ORM1: variants seen among roughly 807,000 people sequenced by gnomAD.
ORM1 encodes the protein orosomucoid 1.
A neutral mutation model predicts 26.9 loss-of-function variants in ORM1; 13 were observed. The observed-to-expected ratio is 0.48, with a 90% CI of 0.31 to 0.77. The LOEUF (loss-of-function observed/expected upper bound fraction) is 0.77, where lower values mean the gene tolerates loss of function less well. ORM1 is among the 30% of genes least tolerant of loss of function. ORM1 has a pLI of 0.04. For missense variants in ORM1, 189 were observed against 246.8 expected, an observed-to-expected ratio of 0.77 and a Z score of 1.57; for synonymous variants, 76 against 102.2, an observed-to-expected ratio of 0.74 and a Z score of 1.55.
At position 114,324,838 on chromosome 9, in the gene ORM1, A is replaced by G. The variant is rs769618531; in HGVS notation, c.377A>G (p.Lys126Arg). Residue 126 changes from lysine (K) to arginine (R), a missense_variant, in exon 4 of 6, where the codon AAG (lysine) becomes AGG (arginine). Physicochemically the swap from Lys to Arg is conservative, Grantham distance 26. This residue lies in a region of ORM1 where 163 missense variants were observed against 157.7 expected (regional missense o/e 1.03). Coordinates refer to ENST00000259396, the MANE Select transcript of ORM1 (RefSeq NM_000607.4). The stretch of plus-strand genomic sequence containing the variant: ...CACTTGCTGATCCTCAGGGACACCA[A>G]GACCTACATGCTTGCTTTTGACGTG... ...FAHLLILRDT[K>R]TYMLAFDVND... 5 of 1,614,072 alleles carry G rather than the reference A, an allele frequency of 3.1e-6. No homozygotes were observed. Among genetic ancestry groups the G allele is most frequent in the Non-Finnish European group, 4.2e-6 (5 of 1,180,022 alleles).
intron 3 of ORM1, among the ~76,000 whole-genome samples, chr9:114,324,514 C>T (rs1463527591): frequency 1.3e-5 from 2 of 152,156 alleles, no homozygotes; most frequent in Non-Finnish European, 2.9e-5. Flanking sequence ...TTTAGCATCC[C>T]GAGCCTCCTC....
rs1126746 is a variant in ORM1, at chr9:114,324,891, G to T, written c.430G>T (p.Val144Phe). The change falls in exon 4 of 6, where the codon GTC becomes TTC. Residue 144 changes from valine to phenylalanine, a missense_variant. Around this residue, in one of 3 missense-constraint regions of ORM1, gnomAD observed 163 missense variants for 157.7 expected, o/e 1.03. Coordinates refer to ENST00000259396, the MANE Select transcript of ORM1 (RefSeq NM_000607.4). ...CGATGAGAAGAACTGGGGGCTGTCT[G>T]TCTATGGTAGGCATGCTTAGCAGCC... is the stretch of plus-strand genomic sequence containing the variant. ...VNDEKNWGLS[V>F]YADKPETTKE... The T allele has an allele frequency of 7.0e-4, 1,130 of 1,613,390 alleles. 1 individual carries two copies. Among genetic ancestry groups the T allele is most frequent in the East Asian group, 1.7e-3 (78 of 44,864 alleles).
At chr9:114,325,328 G>T (rs1829753342) in intron 5 of ORM1, 176 bp downstream of exon 5, 2 of 581,198 alleles carry the variant, frequency 3.4e-6, no homozygotes, top group Non-Finnish European at 6.0e-6. Flanking sequence ...AGGGGTGGTG[G>T]ATGAGAGCCC....
rs369031896 is a variant in ORM1, at chr9:114,324,061, C to T, written c.301C>T (p.Arg101Trp). 102 of 1,613,982 alleles carry T rather than the reference C, an allele frequency of 6.3e-5. 1 individual carries two copies. The Admixed American group carries it at 9.0e-4, about 14-fold the overall frequency. Residue 101 changes from arginine (R) to tryptophan (W), a missense_variant, in exon 3 of 6, where the codon CGG (arginine) becomes TGG (tryptophan). By Grantham distance (101) the Arg-to-Trp change is moderately radical. Coordinates refer to ENST00000259396, the MANE Select transcript of ORM1 (RefSeq NM_000607.4). ...IYNTTYLNVQ[R>W]ENGTISRYVG... is the part of the protein sequence containing the mutation. ...TAACACCACCTACCTGAATGTCCAG[C>T]GGGAAAATGGGACCATCTCCAGATA...
intron 5 of ORM1, among the ~76,000 whole-genome samples, chr9:114,325,592 G>A (rs1486909461): frequency 1.8e-4 from 28 of 152,150 alleles, no homozygotes; most frequent in African/African-American, 6.5e-4. Context: ...TCACCATCCC[G>A]ATTTTTGCTA....
intron 4 of ORM1, 74 bp from the exon 5 acceptor site, chr9:114,324,975 T>C: frequency 1.3e-6 from 2 of 1,583,052 alleles, no homozygotes; most frequent in Non-Finnish European, 1.7e-6. Context: ...GGCTGGCCCC[T>C]AGAACCCCAG....
At chr9:114,324,261 A>C (rs1346749412) in intron 3 of ORM1, among the ~76,000 whole-genome samples, 173 bp downstream of exon 3, 1 of 152,184 alleles carries the variant, frequency 6.6e-6, no homozygotes, top group Non-Finnish European at 1.5e-5. Context: ...TGAGAGAATT[A>C]GAGGAGGAAA....
Position 114,324,049 on chromosome 9 carries a change from C to T in ORM1, c.289C>T (p.Leu97=), listed in dbSNP as rs1803076. ...CCAGTGCATCTATAACACCACCTAC[C>T]TGAATGTCCAGCGGGAAAATGGGAC... ...QDQCIYNTTY[L]NVQRENGTIS... The change falls in exon 3 of 6, where the codon CTG becomes TTG. Residue 97 remains leucine (L), a synonymous_variant. Transcript: ENST00000259396. 1 of 1,614,084 alleles carries T rather than the reference C, an allele frequency of 6.2e-7. No homozygotes were observed. The highest frequency in any genetic ancestry group is 1.1e-5 in the South Asian group (1 of 91,074).
At chr9:114,325,799 G>C (rs1290263243) in intron 5 of ORM1, among the ~76,000 whole-genome samples, 1 of 152,066 alleles carries the variant, frequency 6.6e-6, no homozygotes, top group African/African-American at 2.4e-5. Context: ...TTTGCCATCT[G>C]AGATGACCAC....
chr9:114,324,731 A>T, intron 3 of ORM1, 59 bp from the exon 4 acceptor site: 1 of 1,399,806 alleles, frequency 7.1e-7, no homozygotes, highest in African/African-American at 1.4e-5. Flanking sequence ...CCTCACCTGT[A>T]AGACAGACAC....
At position 114,326,242 on chromosome 9, in the gene ORM1, G is replaced by T. The variant is rs768782395; in HGVS notation, c.541-50G>T. The stretch of plus-strand genomic sequence containing the variant: ...CTCTCCCTGGAAGACCTCCCACCCT[G>T]TCCCCATGCCTCTGCTTCTCCCTCA... On this transcript the variant is annotated intron_variant, in intron 5 of 5. Coordinates refer to ENST00000259396, the MANE Select transcript of ORM1 (RefSeq NM_000607.4). The T allele has an allele frequency of 2.2e-5, 35 of 1,593,990 alleles. 1 individual carries two copies. Among genetic ancestry groups the T allele is most frequent in the Non-Finnish European group, 3.0e-5 (35 of 1,172,638 alleles).
At chr9:114,325,482 C>T (rs1168636703) in intron 5 of ORM1, among the ~76,000 whole-genome samples, 1 of 151,672 alleles carries the variant, frequency 6.6e-6, no homozygotes, top group Non-Finnish European at 1.5e-5. Context: ...AAACCCCAGG[C>T]TTTCACCCCA....
At chr9:114,323,414 C>T (rs1487143718) in intron 1 of ORM1, 167 bp downstream of exon 1, 3 of 836,756 alleles carry the variant, frequency 3.6e-6, no homozygotes, top group African/African-American at 3.3e-5. Context: ...TCTGGAGGCA[C>T]CCCCTGCCTC....
intron 2 of ORM1, 53 bp downstream of exon 2, chr9:114,323,858 T>C: frequency 6.2e-7 from 1 of 1,610,844 alleles, no homozygotes; most frequent in Non-Finnish European, 8.5e-7. Context: ...CCAGAAGACC[T>C]GAGCAAGTCC....
rs1351260362 is a variant in ORM1 at position 114,323,251 on chromosome 9, A to T, written c.114+4A>T. On this transcript the variant is annotated splice_donor_region_variant and intron_variant, in intron 1 of 5. Transcript: ENST00000259396. Reference sequence around the variant, plus strand: ...CACCAACGCCACCCTGGACCGGGTGAGTGCCTGGGCTAGCCCTGTCCTGAG... The same window carrying T: ...CACCAACGCCACCCTGGACCGGGTGTGTGCCTGGGCTAGCCCTGTCCTGAG... 2 of 1,599,394 alleles carry T rather than the reference A, an allele frequency of 1.3e-6. No individual in the cohort carries two copies.
At position 114,324,088 on chromosome 9, in the gene ORM1, G is replaced by A. The variant is rs745679796; in HGVS notation, c.328G>A (p.Val110Met). The change falls in exon 3 of 6, where the codon GTG (valine) becomes ATG (methionine). Residue 110 changes from valine to methionine, a missense_variant and splice_region_variant. Around this residue, in one of 3 missense-constraint regions of ORM1, gnomAD observed 163 missense variants for 157.7 expected, o/e 1.03. Transcript: ENST00000259396. ...GGAAAATGGGACCATCTCCAGATAC[G>A]GTGAGGGCCAGCCCTCAGGCAGGAG... ...QRENGTISRY[V>M]GGQEHFAHLL... is the part of the protein sequence containing the mutation. 7 of 1,613,762 alleles carry A rather than the reference G, an allele frequency of 4.3e-6. No homozygotes were observed. The highest frequency in any genetic ancestry group is 2.7e-5 in the African/African-American group (2 of 74,910).
intron 5 of ORM1, 163 bp downstream of exon 5, chr9:114,325,315 C>A: frequency 1.6e-6 from 1 of 613,134 alleles, no homozygotes; most frequent in Non-Finnish European, 2.8e-6. Context: ...TCTACAGAGG[C>A]CCAGGGGTGG....
chr9:114,325,406 C>T (rs1211410644), intron 5 of ORM1, among the ~76,000 whole-genome samples: 6 of 151,938 alleles, frequency 3.9e-5, no homozygotes, highest in Admixed American at 2.0e-4. Flanking sequence ...GCGTGAGCCA[C>T]GGGGTTGGGG....
At chr9:114,324,727 C>G (rs1280173240) in intron 3 of ORM1, 63 bp from the exon 4 acceptor site, 1 of 1,373,222 alleles carries the variant, frequency 7.3e-7, no homozygotes, top group East Asian at 2.3e-5. Flanking sequence ...GCCTCCTCAC[C>G]TGTAAGACAG....
Sources: gnomAD v4.1 joint callset for allele counts (sites outside exome capture counted in the v4.1 genomes callset) on GRCh38, gnomAD v4.1.1 for gene constraint, gnomAD v4.1.1 regional missense constraint, MANE v1.5 for transcripts, NCBI Gene and HGNC (gene_info 2026-07-23, HGNC 2026-07-21) for gene names.